Variants in GTF2IRD1 observed in about 807,000 individuals in gnomAD.
GTF2IRD1 encodes the protein GTF2I repeat domain containing 1.
In GTF2IRD1, 26 loss-of-function variants were observed where a neutral mutation model predicts 113.2. The ratio of observed to expected loss-of-function variants is 0.23; its 90% CI spans 0.17 to 0.32. GTF2IRD1 has a LOEUF of 0.32. Ranked by LOEUF, GTF2IRD1 falls within the 10% of genes least tolerant of loss-of-function variation. The probability of loss-of-function intolerance (pLI) is 1.00; values close to 1 mark genes in which losing one functional copy is unlikely to be tolerated. For synonymous variants in GTF2IRD1, 484 were observed against 529.1 expected, an observed-to-expected ratio of 0.91 and a Z score of 1.17; for missense variants, 864 against 1,280.8, an observed-to-expected ratio of 0.67 and a Z score of 4.97.
chr7:74,457,143 A>T (rs1554327614), intron 1 of GTF2IRD1, among the ~76,000 whole-genome samples: 1 of 151,902 alleles, frequency 6.6e-6, no homozygotes. Flanking sequence ...GACAAGGGCC[A>T]CTACACCTGG....
At chr7:74,558,673 ATGTT>A (rs1554358075) in intron 20 of GTF2IRD1, among the ~76,000 whole-genome samples, 184 bp from the exon 21 acceptor site, 4 of 151,602 alleles carry the variant, frequency 2.6e-5, no homozygotes, top group Non-Finnish European at 5.9e-5. Context: ...CCTTTTTTTT[ATGTT>A]CTGATCAAAC....
In GTF2IRD1 at chr7:74,519,666, G is replaced by A. The variant is rs373306926; in HGVS notation, c.863G>A (p.Arg288Gln). The change falls in exon 6 of 27, where the codon CGG becomes CAG. Residue 288 changes from arginine (R) to glutamine (Q), a missense_variant. This residue lies in a region of GTF2IRD1 where 195 missense variants were observed against 196.6 expected (regional missense o/e 0.99). Coordinates refer to ENST00000424337, the MANE Select transcript of GTF2IRD1 (RefSeq NM_005685.4). ...GCCCCCAGCGACCTGGGCCTGAGTC[G>A]GCCCATGCCAGAGCCCAAGGCCACC... ...PLAPSDLGLSRPMPEPKATGA... is the reference protein window; with the variant it reads ...PLAPSDLGLSQPMPEPKATGA... 3.1e-5 allele frequency: 50 copies of A among 1,603,292 alleles called. No homozygotes were observed. Among genetic ancestry groups the A allele is most frequent in the Middle Eastern group, 3.3e-4 (2 of 6,022 alleles).
At chr7:74,519,311 T>C (rs1439355775) in intron 5 of GTF2IRD1, 98 bp from the exon 6 acceptor site, 8 of 760,270 alleles carry the variant, frequency 1.1e-5, no homozygotes, top group East Asian at 8.6e-5. Context: ...GGGGCTGTTA[T>C]GTTCTGCAGA....
chr7:74,584,004 G>A (rs117560133), intron 22 of GTF2IRD1, among the ~76,000 whole-genome samples: 1,674 of 152,148 alleles, frequency 0.011, 19 homozygotes, highest in East Asian at 0.045. Flanking sequence ...ATAGACCCCC[G>A]TGGGCCATGT....
chr7:74,577,989 A>G (rs1337171077), intron 22 of GTF2IRD1, among the ~76,000 whole-genome samples: 2 of 151,948 alleles, frequency 1.3e-5, no homozygotes, highest in African/African-American at 4.8e-5. Context: ...AATTTTTTGT[A>G]GACAGAGTCT....
At chr7:74,542,730 A>G (rs1554352136) in intron 14 of GTF2IRD1, among the ~76,000 whole-genome samples, 1 of 152,254 alleles carries the variant, frequency 6.6e-6, no homozygotes, top group Non-Finnish European at 1.5e-5. Flanking sequence ...AGATGACAGC[A>G]TGGCGTGGCG....
At chr7:74,558,345 TTC>T (rs1554357871) in intron 20 of GTF2IRD1, among the ~76,000 whole-genome samples, 2 of 136,798 alleles carry the variant, frequency 1.5e-5, no homozygotes, top group African/African-American at 2.8e-5. Context: ...TTTCTTTCGT[TTC>T]TTTTTTTTTT....
chr7:74,494,205 C>T (rs541245434), intron 1 of GTF2IRD1, among the ~76,000 whole-genome samples: 1 of 152,274 alleles, frequency 6.6e-6, no homozygotes, highest in East Asian at 1.9e-4. Context: ...GAGTTGGAGG[C>T]TGCAGTGAGC....
At chr7:74,550,260 C>T (rs1175112556) in intron 17 of GTF2IRD1, among the ~76,000 whole-genome samples, 1 of 150,454 alleles carries the variant, frequency 6.6e-6, no homozygotes, top group East Asian at 1.9e-4. Flanking sequence ...AGACATATAG[C>T]CCATCAGATG....
intron 4 of GTF2IRD1, among the ~76,000 whole-genome samples, chr7:74,516,521 A>G (rs1275748852): frequency 2.0e-5 from 3 of 152,214 alleles, no homozygotes; most frequent in Admixed American, 2.0e-4. Flanking sequence ...CCTGGGAAAC[A>G]TCGGGCAGGT....
chr7:74,474,330 C>A (rs1368123981), intron 1 of GTF2IRD1, among the ~76,000 whole-genome samples: 1 of 152,266 alleles, frequency 6.6e-6, no homozygotes, highest in African/African-American at 2.4e-5. Flanking sequence ...TCAGGTCTCA[C>A]TGTAGCCCCC....
chr7:74,479,119 G>T (rs139686946), intron 1 of GTF2IRD1, among the ~76,000 whole-genome samples: 1 of 152,202 alleles, frequency 6.6e-6, no homozygotes, highest in Non-Finnish European at 1.5e-5. Flanking sequence ...GGCTGTCGCA[G>T]AGACTTGGCA....
chr7:74,538,397 C>G (rs1445342761), intron 12 of GTF2IRD1, among the ~76,000 whole-genome samples: 2 of 152,224 alleles, frequency 1.3e-5, no homozygotes, highest in Non-Finnish European at 2.9e-5. Context: ...GGCATCACCA[C>G]TGCCTCCTGT....
At chr7:74,530,870 A>G (rs1554348684) in intron 9 of GTF2IRD1, among the ~76,000 whole-genome samples, 1 of 152,164 alleles carries the variant, frequency 6.6e-6, no homozygotes, top group East Asian at 1.9e-4. Context: ...CAGGCCTGAT[A>G]CCAGCCCAGG....
chr7:74,549,893 G>A (rs1418223632), intron 17 of GTF2IRD1, among the ~76,000 whole-genome samples: 1 of 152,056 alleles, frequency 6.6e-6, no homozygotes, highest in Non-Finnish European at 1.5e-5. Flanking sequence ...AAAATTAGCC[G>A]GGCGTGGTAG....
chr7:74,548,123 A>G (rs1228723717), intron 17 of GTF2IRD1, among the ~76,000 whole-genome samples: 3 of 152,126 alleles, frequency 2.0e-5, no homozygotes, highest in African/African-American at 7.2e-5. Context: ...GCTGGGATAA[A>G]AAGTCCCTTT....
rs782422796 is a variant in GTF2IRD1, at chr7:74,602,381, T to C, written c.2783T>C (p.Met928Thr). 2 of 1,613,612 alleles carry C rather than the reference T, an allele frequency of 1.2e-6. No individual in the cohort carries two copies. Among genetic ancestry groups the C allele is most frequent in the Admixed American group, 3.3e-5 (2 of 59,990 alleles). Residue 928 changes from methionine to threonine, a missense_variant, in exon 27 of 27, where the codon ATG (methionine) becomes ACG (threonine). Met to Thr is a moderately conservative substitution (Grantham distance 81, BLOSUM62 -1). This residue lies in a region of GTF2IRD1 where 18 missense variants were observed against 35.7 expected (regional missense o/e 0.50). Transcript: ENST00000424337. ...QISLVQWPMY[M>T]VDYAGLNVQL... is the part of the protein sequence containing the mutation. ...TCTCTCTAGCAATGGCCAATGTACA[T>C]GGTGGACTATGCCGGCCTGAACGTG...
chr7:74,523,007 G>C (rs587754167), intron 7 of GTF2IRD1, among the ~76,000 whole-genome samples: 1 of 152,324 alleles, frequency 6.6e-6, no homozygotes, highest in East Asian at 1.9e-4. Flanking sequence ...CAAGGCCAGT[G>C]CTGAGTGAGA....
chr7:74,589,841 C>A lies in GTF2IRD1; in HGVS notation c.2321-10C>A, dbSNP rs781951867. Reference sequence around the variant, plus strand: ...GCCAACTCTCATGCCCCCTTGTCTTCCTCTTGTAGATGAAGATGACGCCAA... The same window carrying A: ...GCCAACTCTCATGCCCCCTTGTCTTACTCTTGTAGATGAAGATGACGCCAA... On this transcript the variant is annotated splice_polypyrimidine_tract_variant and intron_variant, in intron 22 of 26. Transcript: ENST00000424337. 1 of 1,593,768 alleles carries A rather than the reference C, an allele frequency of 6.3e-7. No individual in the cohort carries two copies. Among genetic ancestry groups the A allele is most frequent in the Admixed American group, 1.7e-5 (1 of 59,954 alleles).
Sources: gnomAD v4.1 joint callset for allele counts (sites outside exome capture counted in the v4.1 genomes callset) on GRCh38, gnomAD v4.1.1 for gene constraint, gnomAD v4.1.1 regional missense constraint, MANE v1.5 for transcripts, NCBI Gene and HGNC (gene_info 2026-07-23, HGNC 2026-07-21) for gene names.